Variants in PRKCA observed in about 807,000 individuals in gnomAD.
PRKCA encodes protein kinase C alpha type.
PRKCA carries 27 observed loss-of-function variants against 87.0 expected under a neutral mutation model. That is an observed-to-expected ratio of 0.31 (90% confidence interval 0.23 to 0.43). The LOEUF is 0.43. PRKCA is among the 20% of genes least tolerant of loss of function. The pLI, the probability that PRKCA is intolerant of heterozygous loss-of-function variation, is 1.00. For synonymous variants in PRKCA, 329 were observed against 311.1 expected (o/e 1.06, Z -0.61); for missense variants, 518 against 852.3 (o/e 0.61, Z 4.88).
chr17:66,548,147 C>T (rs1968204452), intron 3 of PRKCA, among the ~76,000 whole-genome samples: 1 of 152,138 alleles, frequency 6.6e-6, no homozygotes, highest in Admixed American at 6.5e-5. Flanking sequence ...GGGGGGATTT[C>T]CTTGAAGTCG....
At chr17:66,314,881 G>A (rs1056532655) in intron 2 of PRKCA, among the ~76,000 whole-genome samples, 54 of 150,780 alleles carry the variant, frequency 3.6e-4, no homozygotes, top group African/African-American at 1.2e-3. Flanking sequence ...ATATATGTGT[G>A]TGTGTGTGTG....
intron 3 of PRKCA, among the ~76,000 whole-genome samples, chr17:66,575,001 T>G (rs1969191008): frequency 3.9e-5 from 6 of 152,234 alleles, no homozygotes; most frequent in Admixed American, 3.3e-4. Context: ...AATTTTCACC[T>G]TTTCACTTAA....
At chr17:66,383,669 G>A (rs6504418) in intron 2 of PRKCA, among the ~76,000 whole-genome samples, 148,836 of 152,300 alleles carry the variant, frequency 0.98, 72,755 homozygotes, top group East Asian at 1. Flanking sequence ...GATCCACTCA[G>A]ATCATCATGG....
chr17:66,342,441 AAATAATAAT>A (rs199510095), intron 2 of PRKCA, among the ~76,000 whole-genome samples: 46,321 of 142,668 alleles, frequency 0.32, 8,302 homozygotes, highest in Middle Eastern at 0.4. Flanking sequence ...AAAATAAAAT[AAATAATAAT>A]AATAATAATA....
chr17:66,626,703 T>C (rs1486479870), intron 3 of PRKCA, among the ~76,000 whole-genome samples: 1 of 152,044 alleles, frequency 6.6e-6, no homozygotes, highest in Non-Finnish European at 1.5e-5. Context: ...ACAGGGTTTT[T>C]GCCATGTTGG....
rs1000291641 is a variant in PRKCA at position 66,792,209 on chromosome 17, T to C, written c.1854+3230T>C. ...ACTTGCAGGCTTAAGGACAGGTAGC[T>C]GTTCTCACGTGCGGTGATGCTCCTG... On this transcript the variant is annotated intron_variant, in intron 16 of 16. Transcript: ENST00000413366. The surrounding 1 kb of genome is among the most constrained non-coding windows in gnomAD (Gnocchi z 4.5). Among the ~76,000 whole-genome samples the C allele has an allele frequency of 1.3e-5, 2 of 152,220 alleles. No individual in the cohort carries two copies. Among genetic ancestry groups the C allele is most frequent in the Admixed American group, 1.3e-4 (2 of 15,284 alleles).
chr17:66,783,913 C>CG (rs1975309074), intron 14 of PRKCA, among the ~76,000 whole-genome samples: 1 of 152,220 alleles, frequency 6.6e-6, no homozygotes, highest in Admixed American at 6.5e-5. Context: ...TAGCCCGCTT[C>CG]GGGGGCATGC....
intron 3 of PRKCA, 148 bp from the exon 4 acceptor site, chr17:66,641,207 C>T (rs1026057330): frequency 1.9e-6 from 1 of 531,096 alleles, no homozygotes; most frequent in Admixed American, 3.3e-5. Context: ...TCACCACCAC[C>T]CATTGTGTGA....
At chr17:66,308,313 C>G (rs1415919384) in intron 2 of PRKCA, among the ~76,000 whole-genome samples, 4 of 151,934 alleles carry the variant, frequency 2.6e-5, no homozygotes, top group Non-Finnish European at 5.9e-5. Context: ...TAATATACAT[C>G]TTTTACATTT....
At chr17:66,749,134 G>A (rs1289167838) in intron 13 of PRKCA, among the ~76,000 whole-genome samples, 2 of 151,340 alleles carry the variant, frequency 1.3e-5, no homozygotes, top group Non-Finnish European at 2.9e-5. Context: ...TCCCTGGCCA[G>A]TCTGCATCTT....
intron 8 of PRKCA, among the ~76,000 whole-genome samples, chr17:66,713,863 A>C (rs887771838): frequency 6.6e-6 from 1 of 152,032 alleles, no homozygotes; most frequent in South Asian, 2.1e-4. Flanking sequence ...TCTGTCCATG[A>C]ATTCCCAATG....
chr17:66,627,227 T>G (rs1019865808), intron 3 of PRKCA, among the ~76,000 whole-genome samples: 1 of 152,206 alleles, frequency 6.6e-6, no homozygotes, highest in Non-Finnish European at 1.5e-5. Context: ...AACTTCAAAA[T>G]TTTTTAACAG....
At chr17:66,671,314 G>T (rs944526074) in intron 5 of PRKCA, among the ~76,000 whole-genome samples, 1 of 151,710 alleles carries the variant, frequency 6.6e-6, no homozygotes, top group Admixed American at 6.6e-5. Flanking sequence ...GCCAAGAAGT[G>T]GGGGGGTTTA....
At chr17:66,410,128 A>G (rs1289022382) in intron 2 of PRKCA, among the ~76,000 whole-genome samples, 2 of 152,102 alleles carry the variant, frequency 1.3e-5, no homozygotes, top group African/African-American at 4.8e-5. Flanking sequence ...AGTCCCTTTC[A>G]CTAAACTTTA....
At chr17:66,720,512 G>A (rs2144158023) in intron 8 of PRKCA, among the ~76,000 whole-genome samples, 1 of 152,306 alleles carries the variant, frequency 6.6e-6, no homozygotes, top group East Asian at 1.9e-4. Context: ...TTCCTTTGTG[G>A]CTTTCTGCTT....
At chr17:66,718,115 T>C (rs934955068) in intron 8 of PRKCA, among the ~76,000 whole-genome samples, 1 of 152,240 alleles carries the variant, frequency 6.6e-6, no homozygotes, top group Non-Finnish European at 1.5e-5. Flanking sequence ...CCACTCGGGC[T>C]GCTATAGCAA....
At chr17:66,633,474 C>T (rs1971076603) in intron 3 of PRKCA, among the ~76,000 whole-genome samples, 1 of 152,118 alleles carries the variant, frequency 6.6e-6, no homozygotes, top group South Asian at 2.1e-4. Flanking sequence ...TTCATGAGAA[C>T]ACATCAGATG....
At chr17:66,764,893 A>AGTCT (rs1974763493) in intron 13 of PRKCA, among the ~76,000 whole-genome samples, 2 of 152,160 alleles carry the variant, frequency 1.3e-5, no homozygotes, top group African/African-American at 4.8e-5. Context: ...CAGACAAGAG[A>AGTCT]GTCTCCTCAT....
rs1442674688 is a variant in PRKCA, at chr17:66,786,850, C to G, written c.1606-17C>G. 5.0e-6 allele frequency: 8 copies of G among 1,603,352 alleles called. No homozygotes were observed. The highest frequency in any genetic ancestry group is 1.7e-5 in the Admixed American group (1 of 59,914). On this transcript the variant is annotated splice_polypyrimidine_tract_variant and intron_variant, in intron 14 of 16. Transcript: ENST00000413366. ...TCTGCCTAAATACTTTCCCATCTTTCTTTTTTTCCGGAACAGCCTCCATTT... is the reference window on the plus strand; with the variant it reads ...TCTGCCTAAATACTTTCCCATCTTTGTTTTTTTCCGGAACAGCCTCCATTT...
Sources: allele counts gnomAD v4.1 joint callset (sites outside exome capture counted in the v4.1 genomes callset), GRCh38; gene constraint gnomAD v4.1.1; non-coding constraint Gnocchi (gnomAD v3.1); transcripts MANE v1.5; gene names NCBI Gene and HGNC (gene_info 2026-07-23, HGNC 2026-07-21).